ERMP1: variants seen among roughly 807,000 people sequenced by gnomAD.
ERMP1 encodes endoplasmic reticulum metallopeptidase 1.
In ERMP1, 86 loss-of-function variants were observed where a neutral mutation model predicts 92.0. That is an observed-to-expected ratio of 0.93 (90% CI 0.79 to 1.12). ERMP1 has a LOEUF of 1.12. Ranked by LOEUF, ERMP1 falls within the 50% of genes most tolerant of loss-of-function variation. The pLI, the probability that ERMP1 is intolerant of heterozygous loss-of-function variation, is 0.00. For synonymous variants in ERMP1, 530 were observed against 412.8 expected (o/e 1.28, Z -3.44); for missense variants, 1,342 against 1,116.3 (o/e 1.20, Z -2.88).
intron 6 of ERMP1, among the ~76,000 whole-genome samples, chr9:5,851,234 C>T (rs1759856555): frequency 6.6e-6 from 1 of 152,212 alleles, no homozygotes; most frequent in East Asian, 1.9e-4. Context: ...AAATCTGAGG[C>T]ACACCTTTAG....
At chr9:5,806,609 A>T (rs1204463939) in intron 8 of ERMP1, among the ~76,000 whole-genome samples, 4 of 147,436 alleles carry the variant, frequency 2.7e-5, no homozygotes, top group Non-Finnish European at 4.5e-5. Flanking sequence ...TAAAAAAAAC[A>T]TTTTTTTTTT....
At chr9:5,866,431 C>T (rs1448990178) in intron 5 of ERMP1, among the ~76,000 whole-genome samples, 1 of 152,182 alleles carries the variant, frequency 6.6e-6, no homozygotes, top group East Asian at 1.9e-4. Flanking sequence ...AGAGCTGCTC[C>T]TCCACACAGC....
upstream of ERMP1, among the ~76,000 whole-genome samples, chr9:5,837,612 G>T (rs904192240): frequency 7.2e-5 from 11 of 151,844 alleles, no homozygotes; most frequent in African/African-American, 2.2e-4. Context: ...TTCAAAAAAC[G>T]TTTTTCAAAA....
intron 13 of ERMP1, among the ~76,000 whole-genome samples, chr9:5,797,251 T>G (rs969248698): frequency 6.6e-6 from 1 of 151,888 alleles, no homozygotes; most frequent in African/African-American, 2.4e-5. Flanking sequence ...TATGTTGCCC[T>G]GGCTGGTCTT....
chr9:5,835,492 A>G (rs183433853), upstream of ERMP1, among the ~76,000 whole-genome samples: 14 of 152,360 alleles, frequency 9.2e-5, no homozygotes, highest in Admixed American at 9.1e-4. Flanking sequence ...CTCTGAGAAG[A>G]TGACATTTGA....
At chr9:5,820,797 C>T (rs1829505537) in intron 4 of ERMP1, among the ~76,000 whole-genome samples, 1 of 152,196 alleles carries the variant, frequency 6.6e-6, no homozygotes, top group Non-Finnish European at 1.5e-5. Flanking sequence ...AACTCCAAAC[C>T]CAGGAGGGCC....
intron 6 of ERMP1, among the ~76,000 whole-genome samples, chr9:5,851,773 C>G (rs1830310138): frequency 6.6e-6 from 1 of 152,058 alleles, no homozygotes; most frequent in African/African-American, 2.4e-5. Flanking sequence ...ACACATACAC[C>G]CCACAAAATT....
Position 5,823,880 on chromosome 9 carries a change from G to T in ERMP1, c.874+16C>A. On this transcript the variant is annotated intron_variant, in intron 4 of 14. Coordinates refer to ENST00000339450, the MANE Select transcript of ERMP1 (RefSeq NM_024896.3). ...CTAGAATTGCATTAAAATATACAAC[G>T]CACAATCTCACATACCTGTTTGGAA... 6.5e-7 allele frequency: 1 copy of T among 1,526,930 alleles called. No individual in the cohort carries two copies. The highest frequency in any genetic ancestry group is 9.0e-7 in the Non-Finnish European group (1 of 1,107,164). The allele number at this position is 1,526,930 out of a possible 1,614,324, so 94.6% of individuals were successfully genotyped here. A position where few individuals can be genotyped will look rare whatever the true frequency, so the allele number is the denominator to read the frequency against.
At chr9:5,861,253 G>GAA (rs34578556) in intron 5 of ERMP1, among the ~76,000 whole-genome samples, 14 of 144,148 alleles carry the variant, frequency 9.7e-5, no homozygotes, top group East Asian at 4.0e-4. Context: ...ACTGGAGAGG[G>GAA]AAAAAAAATC....
chr9:5,857,304 G>T (rs1009167183), intron 6 of ERMP1, among the ~76,000 whole-genome samples: 7 of 152,164 alleles, frequency 4.6e-5, no homozygotes, highest in African/African-American at 1.7e-4. Context: ...TTACAGGCAT[G>T]AGCCACTGTG....
intron 13 of ERMP1, among the ~76,000 whole-genome samples, chr9:5,788,379 G>A (rs918435695): frequency 6.6e-6 from 1 of 152,068 alleles, no homozygotes; most frequent in African/African-American, 2.4e-5. Flanking sequence ...TATTATTGAA[G>A]TAACAGTCTT....
At chr9:5,830,366 TA>T (rs1829892414) in intron 2 of ERMP1, among the ~76,000 whole-genome samples, 1 of 152,144 alleles carries the variant, frequency 6.6e-6, no homozygotes, top group African/African-American at 2.4e-5. Flanking sequence ...CAAAGCCTAG[TA>T]TAACACCCAG....
chr9:5,820,326 AG>A (rs1176781528), intron 4 of ERMP1, among the ~76,000 whole-genome samples: 1 of 152,244 alleles, frequency 6.6e-6, no homozygotes, highest in Non-Finnish European at 1.5e-5. Flanking sequence ...ATAAAGTAGC[AG>A]ACAGAATATG....
In ERMP1 at chr9:5,832,772, T is replaced by C; in HGVS notation, c.256A>G (p.Thr86Ala). ...TGCTGCAGCGAGAGCTGCACCAGCGTCCGCAGCGCGATCAGGTAGAGCGCG... is the reference window on the plus strand; with the variant it reads ...TGCTGCAGCGAGAGCTGCACCAGCGCCCGCAGCGCGATCAGGTAGAGCGCG... ...GLALYLIALR[T>A]LVQLSLQQLV... Residue 86 changes from threonine (T) to alanine (A), a missense_variant, in exon 1 of 15, where the codon ACG becomes GCG. By Grantham distance (58) the Thr-to-Ala change is moderately conservative (BLOSUM62 0). Coordinates refer to ENST00000339450, the MANE Select transcript of ERMP1 (RefSeq NM_024896.3). 6.7e-7 allele frequency: 1 copy of C among 1,499,414 alleles called. No individual in the cohort carries two copies. Among genetic ancestry groups the C allele is most frequent in the Non-Finnish European group, 8.8e-7 (1 of 1,132,550 alleles). 92.9% of individuals were successfully genotyped at this position (1,499,414 alleles called of 1,614,324 possible).
intron 1 of ERMP1, among the ~76,000 whole-genome samples, chr9:5,831,459 A>C (rs1397555570): frequency 6.6e-6 from 1 of 152,096 alleles, no homozygotes; most frequent in African/African-American, 2.4e-5. Context: ...TACAAAAACT[A>C]GCCAGATGTA....
chr9:5,846,705 C>T (rs1586837679), intron 6 of ERMP1, among the ~76,000 whole-genome samples: 1 of 152,234 alleles, frequency 6.6e-6, no homozygotes, highest in South Asian at 2.1e-4. Flanking sequence ...TGCAACTGGT[C>T]CATAGCTCAG....
Position 5,787,061 on chromosome 9 carries a change from G to A in ERMP1, c.*83C>T, listed in dbSNP as rs1188584131. Reference sequence around the variant, plus strand: ...TGATCATTAAAATTCATTGACTTACGTTACAAACATCCACGTAACATAGGG... The same window carrying A: ...TGATCATTAAAATTCATTGACTTACATTACAAACATCCACGTAACATAGGG... On this transcript the variant is annotated 3_prime_UTR_variant, in exon 15 of 15. Transcript: ENST00000339450. The A allele has an allele frequency of 8.2e-6, 11 of 1,338,062 alleles. No individual in the cohort carries two copies. Among genetic ancestry groups the A allele is most frequent in the South Asian group, 4.3e-5 (3 of 69,920 alleles). The allele number at this position is 1,338,062 out of a possible 1,614,324, so 82.9% of individuals were successfully genotyped here.
In ERMP1 at chr9:5,830,971, AT is replaced by A; in HGVS notation, c.395del (p.Asn132MetfsTer4). On this transcript the variant is annotated frameshift_variant, in exon 2 of 15. Transcript: ENST00000339450. LOFTEE classifies it high-confidence loss of function. ...IGPRTTGSPE[N>X]EILTVHYLLE... ...AAAGGTAGTGCACGGTCAGAATTTC[AT>A]TTTCTGGACTTCCTGTAGTCCTGGG... is the stretch of plus-strand genomic sequence containing the variant. The A allele has an allele frequency of 6.2e-7, 1 of 1,614,084 alleles. No individual in the cohort carries two copies. Among genetic ancestry groups the A allele is most frequent in the Non-Finnish European group, 8.5e-7 (1 of 1,179,998 alleles).
In ERMP1 at chr9:5,808,645, G is replaced by C. The variant is rs960453752; in HGVS notation, c.1548+1366C>G. Among the ~76,000 whole-genome samples, 16 of 152,318 alleles carry C rather than the reference G, an allele frequency of 1.1e-4. No individual in the cohort carries two copies. In the East Asian group the frequency reaches 3.1e-3, roughly 29 times the overall value. On this transcript the variant is annotated intron_variant, in intron 8 of 14. Coordinates refer to ENST00000339450, the MANE Select transcript of ERMP1 (RefSeq NM_024896.3). ...AGTAGGCTTACATGGAGCTAAGAAA[G>C]ATCTTCCTCTTTAATTCACATAAAC... is the stretch of plus-strand genomic sequence containing the variant.
Sources: gnomAD v4.1 joint callset for allele counts (sites outside exome capture counted in the v4.1 genomes callset) on GRCh38, gnomAD v4.1.1 for gene constraint, MANE v1.5 for transcripts, NCBI Gene and HGNC (gene_info 2026-07-23, HGNC 2026-07-21) for gene names.